Variants in SOX5 observed in about 807,000 individuals in gnomAD.
SOX5 encodes SRY-box transcription factor 5, also known as transcription factor SOX-5.
SOX5 carries 9 observed loss-of-function variants against 92.0 expected under a neutral mutation model. That is an observed-to-expected ratio of 0.10 (90% CI 0.06 to 0.17). The LOEUF is 0.17. Among genes scored for constraint, SOX5 ranks in the 10% least tolerant of loss-of-function variants. The probability of loss-of-function intolerance (pLI) is 1.00; values close to 1 mark genes in which losing one functional copy is unlikely to be tolerated. For synonymous variants in SOX5, 344 were observed against 336.3 expected (o/e 1.02, Z -0.25); for missense variants, 642 against 944.5 (o/e 0.68, Z 4.20).
intron 1 of SOX5, among the ~76,000 whole-genome samples, chr12:24,395,448 G>C (rs1375170894): frequency 6.6e-6 from 1 of 152,160 alleles, no homozygotes. Context: ...TCTCTAATCT[G>C]TTGTGTGGCT....
rs138123882 is a variant in SOX5 at position 24,036,455 on chromosome 12, G to A, written c.-1-140431C>T. Among the ~76,000 whole-genome samples the A allele has an allele frequency of 3.6e-3, 548 of 152,248 alleles. 7 individuals carry two copies. Among genetic ancestry groups the A allele is most frequent in the Middle Eastern group, 0.01 (3 of 294 alleles). On this transcript the variant is annotated intron_variant, in intron 4 of 4. Transcript: ENST00000446891. ...AAGGTATACAGGGTTGATTTTCAAG[G>A]TAACTGATATTTCTCTTGAGAACCG...
rs115328347 is a variant in SOX5 at position 24,157,057 on chromosome 12, C to A, written c.-2+56286G>T. ...GATTAGTCTAATGATATTTTACTTTCTCATTTCCAAGTGTTTATCTTCAGT... is the reference window on the plus strand; with the variant it reads ...GATTAGTCTAATGATATTTTACTTTATCATTTCCAAGTGTTTATCTTCAGT... On this transcript the variant is annotated intron_variant, in intron 4 of 4. Transcript: ENST00000446891. Among the ~76,000 whole-genome samples, 819 of 152,158 alleles carry A rather than the reference C, an allele frequency of 5.4e-3. 4 individuals are homozygous for A. Among genetic ancestry groups the A allele is most frequent in the African/African-American group, 0.019 (786 of 41,542 alleles).
chr12:23,893,540 C>T (rs16926848), intron 2 of SOX5, among the ~76,000 whole-genome samples: 1,637 of 152,184 alleles, frequency 0.011, 41 homozygotes, highest in African/African-American at 0.036. Flanking sequence ...GTTTAATATA[C>T]TTCTCTCATA....
intron 4 of SOX5, among the ~76,000 whole-genome samples, chr12:24,002,642 G>C (rs1385732801): frequency 7.0e-6 from 1 of 142,786 alleles, no homozygotes; most frequent in East Asian, 2.0e-4. Context: ...TTTTTATAGG[G>C]AGTATGTTTA....
chr12:24,255,027 C>T (rs935261331), intron 3 of SOX5, among the ~76,000 whole-genome samples: 2 of 151,994 alleles, frequency 1.3e-5, no homozygotes, highest in African/African-American at 4.8e-5. Context: ...GAAAAGAAAG[C>T]AATGCAAAAA....
chr12:23,798,975 A>T (rs1279945994), intron 3 of SOX5, among the ~76,000 whole-genome samples: 1 of 151,978 alleles, frequency 6.6e-6, no homozygotes, highest in East Asian at 1.9e-4. Context: ...TAATTTAAAA[A>T]CCAAGATTGG....
intron 10 of SOX5, among the ~76,000 whole-genome samples, chr12:23,573,492 G>T (rs1297118522): frequency 6.6e-6 from 1 of 152,062 alleles, no homozygotes; most frequent in Non-Finnish European, 1.5e-5. Flanking sequence ...AGGCTAGTAT[G>T]ACATTACCCT....
At chr12:23,823,534 G>C (rs1262930312) in intron 3 of SOX5, among the ~76,000 whole-genome samples, 3 of 152,042 alleles carry the variant, frequency 2.0e-5, no homozygotes, top group Non-Finnish European at 2.9e-5. Context: ...TTTTCTCTCT[G>C]GCTGCCCTTA....
chr12:23,799,559 C>T (rs369534291), intron 3 of SOX5, among the ~76,000 whole-genome samples: 14 of 152,008 alleles, frequency 9.2e-5, no homozygotes, highest in African/African-American at 2.9e-4. Context: ...AACCAATATC[C>T]GAAGTGAAAA....
rs116463037 is a variant in SOX5, at chr12:23,974,468, G to A, written c.-1-78444C>T. ...TCCAATGTAAAAGAGAAAAAAAATCGCCAAAATACAATCTAACCAGTATTA... is the reference window on the plus strand; with the variant it reads ...TCCAATGTAAAAGAGAAAAAAAATCACCAAAATACAATCTAACCAGTATTA... On this transcript the variant is annotated intron_variant, in intron 4 of 4. Coordinates refer to the SOX5 transcript ENST00000446891. 1.0e-2 allele frequency among the ~76,000 whole-genome samples: 1,519 copies of A among 152,030 alleles called. 36 individuals carry two copies. Among genetic ancestry groups the A allele is most frequent in the African/African-American group, 0.035 (1,442 of 41,440 alleles).
At chr12:23,795,665 G>A (rs1433813179) in intron 3 of SOX5, among the ~76,000 whole-genome samples, 2 of 152,082 alleles carry the variant, frequency 1.3e-5, no homozygotes, top group East Asian at 3.9e-4. Context: ...CTGAATGGGA[G>A]TTTTGTGGGT....
chr12:23,799,962 A>G (rs962364093), intron 3 of SOX5, among the ~76,000 whole-genome samples: 13 of 152,118 alleles, frequency 8.5e-5, no homozygotes, highest in African/African-American at 2.4e-4. Flanking sequence ...TCTTCCAAAG[A>G]TATTGAGCTA....
At chr12:23,898,462 T>C (rs916909954) in intron 1 of SOX5, among the ~76,000 whole-genome samples, 1 of 152,206 alleles carries the variant, frequency 6.6e-6, no homozygotes, top group Non-Finnish European at 1.5e-5. Context: ...CCTAAGTTAA[T>C]ACAATTCTAT....
chr12:23,950,784 T>C, upstream of SOX5: 2 of 1,264,572 alleles, frequency 1.6e-6, no homozygotes, highest in South Asian at 1.3e-5. Flanking sequence ...TAGATAAAAA[T>C]CTGGCAGCCG....
intron 4 of SOX5, among the ~76,000 whole-genome samples, chr12:24,195,161 A>T (rs1385339915): frequency 1.3e-5 from 2 of 152,082 alleles, no homozygotes; most frequent in African/African-American, 2.4e-5. Context: ...ACACGAGAAA[A>T]ATATTTCTAG....
intron 4 of SOX5, among the ~76,000 whole-genome samples, chr12:23,986,140 G>A (rs1950038504): frequency 6.6e-6 from 1 of 151,910 alleles, no homozygotes; most frequent in African/African-American, 2.4e-5. Flanking sequence ...AAGGTTGCAG[G>A]GATTACAATG....
chr12:23,563,465 A>G, intron 10 of SOX5, 62 bp from the exon 11 acceptor site: 1 of 1,498,834 alleles, frequency 6.7e-7, no homozygotes, highest in Non-Finnish European at 9.1e-7. Context: ...CTAGCGTTTA[A>G]CCATAAAAAT....
chr12:24,239,718 G>C (rs74068463), intron 3 of SOX5, among the ~76,000 whole-genome samples: 2,606 of 152,312 alleles, frequency 0.017, 68 homozygotes, highest in African/African-American at 0.059. Context: ...AGAAGTGAAA[G>C]TGGAATTCAC....
intron 4 of SOX5, among the ~76,000 whole-genome samples, chr12:24,011,273 A>G (rs1952901980): frequency 1.3e-5 from 2 of 152,210 alleles, no homozygotes; most frequent in South Asian, 4.1e-4. Flanking sequence ...GCGCACATGC[A>G]TACACACTCA....
Sources: gnomAD v4.1 joint callset for allele counts (sites outside exome capture counted in the v4.1 genomes callset) on GRCh38, gnomAD v4.1.1 for gene constraint, MANE v1.5 for transcripts, NCBI Gene and HGNC (gene_info 2026-07-23, HGNC 2026-07-21) for gene names.